The following AGTPBP1 variants were observed in gnomAD, a reference collection of about 807,000 sequenced individuals.
The protein encoded by AGTPBP1 is cytosolic carboxypeptidase 1.
AGTPBP1 carries 70 observed loss-of-function variants against 143.9 expected under a neutral mutation model. That is an observed-to-expected ratio of 0.49 (90% confidence interval 0.40 to 0.59). The LOEUF is 0.59. Ranked by LOEUF, AGTPBP1 falls within the 20% of genes least tolerant of loss-of-function variation. AGTPBP1 has a pLI of 0.00. For synonymous variants in AGTPBP1, 463 were observed against 500.2 expected (o/e 0.93, Z 0.99); for missense variants, 1,229 against 1,464.5 (o/e 0.84, Z 2.62).
the AGTPBP1 span, among the ~76,000 whole-genome samples, chr9:85,791,721 TAAA>T: frequency 1.3e-5 from 2 of 152,156 alleles, no homozygotes; most frequent in Non-Finnish European, 2.9e-5. Flanking sequence ...ACTTTGCCAT[TAAA>T]AAATAACTTT....
intron 1 of AGTPBP1, among the ~76,000 whole-genome samples, chr9:85,728,579 A>G (rs925007689): frequency 3.3e-5 from 5 of 152,224 alleles, no homozygotes; most frequent in Non-Finnish European, 7.3e-5. Context: ...TGTCAGATAA[A>G]AATGAAAACT....
At chr9:85,617,445 C>T (rs544653519) in intron 17 of AGTPBP1, among the ~76,000 whole-genome samples, 3 of 152,184 alleles carry the variant, frequency 2.0e-5, no homozygotes, top group African/African-American at 7.2e-5. Context: ...CTTGATGCTT[C>T]AATTTTAAAA....
At chr9:85,701,885 G>A (rs1836688447) in intron 2 of AGTPBP1, among the ~76,000 whole-genome samples, 1 of 152,190 alleles carries the variant, frequency 6.6e-6, no homozygotes, top group Non-Finnish European at 1.5e-5. Flanking sequence ...CCATAGTCAA[G>A]ATATTCTCAA....
intron 25 of AGTPBP1, among the ~76,000 whole-genome samples, chr9:85,572,962 ACAAC>A (rs1269576042): frequency 6.6e-6 from 1 of 152,206 alleles, no homozygotes; most frequent in Non-Finnish European, 1.5e-5. Context: ...TTAATACCTA[ACAAC>A]AAAAATCATG....
intron 1 of AGTPBP1, among the ~76,000 whole-genome samples, chr9:85,718,386 T>C (rs1837861939): frequency 6.6e-6 from 1 of 152,226 alleles, no homozygotes; most frequent in African/African-American, 2.4e-5. Flanking sequence ...TGGTATCTCA[T>C]TGTGGTTTTG....
In AGTPBP1 at chr9:85,619,291, G is replaced by T. The variant is rs899378855; in HGVS notation, c.2110C>A (p.Pro704Thr). 1.2e-6 allele frequency: 2 copies of T among 1,610,938 alleles called. No individual in the cohort carries two copies. Among genetic ancestry groups the T allele is most frequent in the African/African-American group, 1.3e-5 (1 of 74,840 alleles). Residue 704 changes from proline (P) to threonine (T), a missense_variant, in exon 16 of 26, where the codon CCA becomes ACA. Pro to Thr is a conservative substitution (Grantham distance 38, BLOSUM62 -1). Transcript: ENST00000357081. The part of the protein sequence containing the change: ...YDLDNPNYTI[P>T]EEGDILKFNS... ...AATTTCAAAATATCTCCCTCTTCTG[G>T]AATGGTGTAACTAAATAAAAGTTTT...
chr9:85,772,759 TAAC>T, the AGTPBP1 span, among the ~76,000 whole-genome samples: 2 of 152,004 alleles, frequency 1.3e-5, no homozygotes, highest in African/African-American at 2.4e-5. Flanking sequence ...ATCTTAACAA[TAAC>T]AACAACAACA....
At chr9:85,711,816 G>A (rs1482160835) in intron 2 of AGTPBP1, among the ~76,000 whole-genome samples, 4 of 151,966 alleles carry the variant, frequency 2.6e-5, no homozygotes, top group Non-Finnish European at 5.9e-5. Context: ...ATAACTACTC[G>A]AATTCACCAT....
At chr9:85,625,895 C>T (rs1315245897) in intron 14 of AGTPBP1, among the ~76,000 whole-genome samples, 1 of 129,504 alleles carries the variant, frequency 7.7e-6, no homozygotes, top group Admixed American at 8.0e-5. Flanking sequence ...AAAAAAAAAA[C>T]CTAGTTTTGT....
intron 23 of AGTPBP1, among the ~76,000 whole-genome samples, chr9:85,584,357 T>C (rs1198417692): frequency 2.0e-5 from 3 of 152,198 alleles, no homozygotes; most frequent in African/African-American, 7.2e-5. Flanking sequence ...TGTCTCTCTC[T>C]TGAACTTAAT....
chr9:85,716,228 C>T lies in AGTPBP1; in HGVS notation c.-33-3662G>A, dbSNP rs141027361. ...GTCCTATCAGCAGCATTTGATACAG[C>T]TGACCACATCCTCTTCTTGGAAATG... On this transcript the variant is annotated intron_variant, in intron 1 of 25. Transcript: ENST00000357081. Among the ~76,000 whole-genome samples, 132 of 152,350 alleles carry T rather than the reference C, an allele frequency of 8.7e-4. 1 individual carries two copies. In the Middle Eastern group the frequency reaches 0.024, roughly 27 times the overall value.
At chr9:85,750,414 G>A in the AGTPBP1 span, among the ~76,000 whole-genome samples, 2 of 152,112 alleles carry the variant, frequency 1.3e-5, no homozygotes, top group African/African-American at 4.8e-5. Flanking sequence ...TATGGCACCT[G>A]TTTTCTTTGT....
At chr9:85,553,464 G>A (rs1221263371) in intron 25 of AGTPBP1, among the ~76,000 whole-genome samples, 4 of 152,212 alleles carry the variant, frequency 2.6e-5, no homozygotes, top group Non-Finnish European at 4.4e-5. Flanking sequence ...TTCTGAGTAT[G>A]TTTAATGTAG....
chr9:85,682,303 G>T (rs766826423), intron 3 of AGTPBP1, among the ~76,000 whole-genome samples: 6 of 151,544 alleles, frequency 4.0e-5, no homozygotes, highest in African/African-American at 1.2e-4. Context: ...ATTTAGAAAA[G>T]GAACTAACAT....
At chr9:85,632,471 A>G (rs1587783865) in intron 14 of AGTPBP1, among the ~76,000 whole-genome samples, 191 bp downstream of exon 14, 1 of 152,248 alleles carries the variant, frequency 6.6e-6, no homozygotes, top group Non-Finnish European at 1.5e-5. Flanking sequence ...ATAAGGAATA[A>G]GCTCAAGAAA....
At chr9:85,720,860 T>C (rs1564181612) in intron 1 of AGTPBP1, among the ~76,000 whole-genome samples, 1 of 152,264 alleles carries the variant, frequency 6.6e-6, no homozygotes, top group East Asian at 1.9e-4. Context: ...TCTGGTACGT[T>C]GTGTCTTTGT....
chr9:85,649,543 CTT>C (rs1376491586), intron 11 of AGTPBP1, among the ~76,000 whole-genome samples: 1 of 152,136 alleles, frequency 6.6e-6, no homozygotes, highest in Non-Finnish European at 1.5e-5. Flanking sequence ...TTATCTCACT[CTT>C]TTAACGGTTA....
intron 2 of AGTPBP1, among the ~76,000 whole-genome samples, chr9:85,697,191 T>C (rs980671029): frequency 6.6e-6 from 1 of 152,172 alleles, no homozygotes; most frequent in African/African-American, 2.4e-5. Context: ...CAAAAAAATG[T>C]ATGTGTATAT....
At chr9:85,785,195 G>A in the AGTPBP1 span, among the ~76,000 whole-genome samples, 45 of 152,048 alleles carry the variant, frequency 3.0e-4, no homozygotes, top group South Asian at 5.2e-3. Flanking sequence ...TTAGCCGGGC[G>A]TGGTGGCGGG....
Sources: allele counts gnomAD v4.1 joint callset (sites outside exome capture counted in the v4.1 genomes callset), GRCh38; gene constraint gnomAD v4.1.1; transcripts MANE v1.5; gene names NCBI Gene and HGNC (gene_info 2026-07-23, HGNC 2026-07-21).